Variants in VPS35L observed in about 807,000 individuals in gnomAD.
VPS35L encodes VPS35 endosomal protein-sorting factor-like.
A neutral mutation model predicts 133.0 loss-of-function variants in VPS35L; 83 were observed. The ratio of observed to expected loss-of-function variants is 0.62; its 90% CI spans 0.52 to 0.75. The LOEUF (loss-of-function observed/expected upper bound fraction) is 0.75, where lower values mean the gene tolerates loss of function less well. Among genes scored for constraint, VPS35L ranks in the 30% least tolerant of loss-of-function variants. The pLI is 0.00. For missense variants in VPS35L, 1,083 were observed against 1,206.8 expected, an observed-to-expected ratio of 0.90 and a Z score of 1.52; for synonymous variants, 423 against 449.9, an observed-to-expected ratio of 0.94 and a Z score of 0.76.
At chr16:19,650,225 C>T (rs1974080994) in intron 24 of VPS35L, among the ~76,000 whole-genome samples, 157 bp from the exon 25 acceptor site, 1 of 152,142 alleles carries the variant, frequency 6.6e-6, no homozygotes, top group Admixed American at 6.5e-5. Flanking sequence ...GGCCTGATGA[C>T]CCCTTTGGCA....
chr16:19,617,105 C>T, intron 14 of VPS35L: 1 of 587,758 alleles, frequency 1.7e-6, no homozygotes, highest in Admixed American at 3.1e-5. Context: ...TCTGTAATCC[C>T]AGCACTTTGC....
chr16:19,606,397 G>A (rs1392970339), intron 9 of VPS35L, among the ~76,000 whole-genome samples: 1 of 152,108 alleles, frequency 6.6e-6, no homozygotes, highest in African/African-American at 2.4e-5. Flanking sequence ...TCTCTTGAAA[G>A]TAGAAAAAAA....
At chr16:19,616,522 G>C (rs1421446254) in intron 13 of VPS35L, among the ~76,000 whole-genome samples, 164 bp from the exon 14 acceptor site, 1 of 150,514 alleles carries the variant, frequency 6.6e-6, no homozygotes, top group East Asian at 1.9e-4. Context: ...GAAACTTTCT[G>C]TGTTTTTTTT....
In VPS35L at chr16:19,573,214, G is replaced by A; in HGVS notation, c.381G>A (p.Arg127=). The change falls in exon 4 of 31, where the codon CGG becomes CGA. Residue 127 remains arginine (R), a synonymous_variant. Coordinates refer to ENST00000417362, the MANE Select transcript of VPS35L (RefSeq NM_020314.7). ...WTNKRGEILA[R]YTTTEKLSIN... ...ACAAACGGGGAGAAATCCTTGCCCG[G>A]TACACCACTACCGAAAAGCTGTCTA... 1 of 1,613,884 alleles carries A rather than the reference G, an allele frequency of 6.2e-7. No individual in the cohort carries two copies. The highest frequency in any genetic ancestry group is 8.5e-7 in the Non-Finnish European group (1 of 1,179,882).
intron 28 of VPS35L, among the ~76,000 whole-genome samples, chr16:19,688,553 C>T (rs947638767): frequency 6.6e-6 from 1 of 152,148 alleles, no homozygotes; most frequent in African/African-American, 2.4e-5. Flanking sequence ...GGACAGTGAC[C>T]CAGATTGCAG....
chr16:19,608,546 A>G, intron 10 of VPS35L: 1 of 427,022 alleles, frequency 2.3e-6, no homozygotes, highest in Non-Finnish European at 4.1e-6. Flanking sequence ...AATTCTCTCA[A>G]TTAAAATGCT....
intron 3 of VPS35L, among the ~76,000 whole-genome samples, chr16:19,572,188 G>C (rs1013554523): frequency 6.6e-6 from 1 of 152,154 alleles, no homozygotes; most frequent in Non-Finnish European, 1.5e-5. Context: ...GGAAGGCTGA[G>C]GCGGGCGGAT....
At chr16:19,606,251 G>A (rs16972236) in intron 9 of VPS35L, among the ~76,000 whole-genome samples, 26,753 of 152,138 alleles carry the variant, frequency 0.18, 2,631 homozygotes, top group African/African-American at 0.26. Flanking sequence ...GATGACCTCA[G>A]AGACCTATTT....
At chr16:19,618,453 A>G (rs182379610) in intron 14 of VPS35L, among the ~76,000 whole-genome samples, 40 of 152,326 alleles carry the variant, frequency 2.6e-4, no homozygotes, top group Non-Finnish European at 4.7e-4. Flanking sequence ...TAATGGGGCC[A>G]TTTAAAATGA....
intron 27 of VPS35L, among the ~76,000 whole-genome samples, chr16:19,678,281 A>G (rs960664853): frequency 6.6e-6 from 1 of 152,054 alleles, no homozygotes; most frequent in African/African-American, 2.4e-5. Context: ...GAGAGGTCTG[A>G]GCCCCTGCCA....
intron 29 of VPS35L, chr16:19,693,979 AAAAAG>A (rs998458332): frequency 6.6e-6 from 1 of 152,010 alleles, no homozygotes; most frequent in Non-Finnish European, 1.5e-5. Flanking sequence ...AAAAAAAAGA[AAAAAG>A]GGGGAATAAA....
chr16:19,630,440 T>C (rs916430084), intron 18 of VPS35L, among the ~76,000 whole-genome samples: 7 of 150,972 alleles, frequency 4.6e-5, no homozygotes, highest in Non-Finnish European at 1.0e-4. Context: ...TTCACGCCAT[T>C]CTCCTGCCTC....
intron 7 of VPS35L, among the ~76,000 whole-genome samples, chr16:19,583,519 C>A (rs772885652): frequency 2.0e-5 from 3 of 152,050 alleles, no homozygotes; most frequent in Non-Finnish European, 4.4e-5. Context: ...TCTCTGATTT[C>A]TTTGTGTTGG....
chr16:19,625,595 C>T (rs1000711587), intron 14 of VPS35L, among the ~76,000 whole-genome samples: 6 of 152,086 alleles, frequency 3.9e-5, no homozygotes, highest in African/African-American at 9.7e-5. Context: ...GCAACTCTTC[C>T]GAAGTCTCAT....
At chr16:19,695,142 C>T (rs1326456141) in intron 29 of VPS35L, among the ~76,000 whole-genome samples, 6 of 152,232 alleles carry the variant, frequency 3.9e-5, no homozygotes, top group South Asian at 4.1e-4. Context: ...GTTCTGGCTC[C>T]GCCCTCTAGT....
intron 7 of VPS35L, chr16:19,587,320 G>A (rs1597332332): frequency 2.2e-6 from 1 of 452,312 alleles, no homozygotes; most frequent in African/African-American, 2.0e-5. Flanking sequence ...TGAGATCTTG[G>A]CACTTTTGTT....
intron 12 of VPS35L, among the ~76,000 whole-genome samples, chr16:19,615,432 C>T (rs747087344): frequency 1.3e-5 from 2 of 148,406 alleles, no homozygotes; most frequent in African/African-American, 2.5e-5. Context: ...GGCAGATCAT[C>T]TGAGGTCAGG....
intron 27 of VPS35L, 34 bp from the exon 28 acceptor site, chr16:19,682,191 G>A (rs1156549156): frequency 1.3e-6 from 2 of 1,599,646 alleles, no homozygotes; most frequent in Non-Finnish European, 1.7e-6. Context: ...CTTCATCTTT[G>A]GGATTATTTA....
intron 27 of VPS35L, among the ~76,000 whole-genome samples, chr16:19,673,971 C>G (rs1188198192): frequency 6.6e-6 from 1 of 152,060 alleles, no homozygotes; most frequent in South Asian, 2.1e-4. Flanking sequence ...GTTCATTGAG[C>G]ACTAGCAACC....
Sources: gnomAD v4.1 joint callset for allele counts (sites outside exome capture counted in the v4.1 genomes callset) on GRCh38, gnomAD v4.1.1 for gene constraint, MANE v1.5 for transcripts, NCBI Gene and HGNC (gene_info 2026-07-23, HGNC 2026-07-21) for gene names.